Variants in PITPNM3 observed in about 807,000 individuals in gnomAD.
The protein encoded by PITPNM3 is PITPNM family member 3.
A neutral mutation model predicts 102.0 loss-of-function variants in PITPNM3; 26 were observed. That is an observed-to-expected ratio of 0.25 (90% CI 0.19 to 0.35). PITPNM3 has a LOEUF of 0.35. Ranked by LOEUF, PITPNM3 falls within the 10% of genes least tolerant of loss-of-function variation. PITPNM3 has a pLI of 1.00. For missense variants in PITPNM3, 1,083 were observed against 1,346.1 expected (o/e 0.80, Z 3.06); for synonymous variants, 578 against 558.6 (o/e 1.03, Z -0.49).
intron 1 of PITPNM3, among the ~76,000 whole-genome samples, chr17:6,552,756 CTTTT>C (rs1322658814): frequency 4.3e-5 from 6 of 139,874 alleles, no homozygotes; most frequent in Admixed American, 1.5e-4. Context: ...GGCCACCTTT[CTTTT>C]TCTTTTTTTT....
intron 4 of PITPNM3, among the ~76,000 whole-genome samples, chr17:6,487,952 C>A (rs1458669240): frequency 6.6e-6 from 1 of 152,178 alleles, no homozygotes; most frequent in African/African-American, 2.4e-5. Context: ...GGGGACAGAG[C>A]CTTGCTTCCT....
At position 6,503,642 on chromosome 17, in the gene PITPNM3, AGGCT is replaced by A. The variant is rs1038026173; in HGVS notation, c.227-72_227-69del. 66 of 1,548,740 alleles carry A rather than the reference AGGCT, an allele frequency of 4.3e-5. No homozygotes were observed. The African/African-American group carries it at 8.1e-4, about 19-fold the overall frequency. On this transcript the variant is annotated intron_variant, in intron 3 of 19. Coordinates refer to ENST00000262483, the MANE Select transcript of PITPNM3 (RefSeq NM_031220.4). Reference sequence around the variant, plus strand: ...TTGCCAGGCACTGTGTTTCCCAGGGAGGCTGCTTGGAGCTGCCTCTGACCCTCAC... The same window carrying A: ...TTGCCAGGCACTGTGTTTCCCAGGGAGCTTGGAGCTGCCTCTGACCCTCAC...
intron 3 of PITPNM3, among the ~76,000 whole-genome samples, chr17:6,522,389 T>C (rs752984628): frequency 3.3e-5 from 5 of 151,752 alleles, no homozygotes; most frequent in Non-Finnish European, 7.4e-5. Flanking sequence ...ATGACTTAAA[T>C]GGTTAGGGAG....
At chr17:6,524,815 G>A (rs1278487373) in intron 3 of PITPNM3, among the ~76,000 whole-genome samples, 1 of 152,170 alleles carries the variant, frequency 6.6e-6, no homozygotes, top group Non-Finnish European at 1.5e-5. Context: ...ATAGATGGAT[G>A]CCAAAAAGAA....
At position 6,461,489 on chromosome 17, in the gene PITPNM3, C is replaced by T; in HGVS notation, c.2374G>A (p.Val792Met). ...TTGTGCTGGGACAGCCACGACACCA[C>T]CCGCTGCTTCTGCATGTCCGGCCGT... ...TGRPDMQKQRVVSWLSQHNFP... is the reference protein window; with the variant it reads ...TGRPDMQKQRMVSWLSQHNFP... The change falls in exon 18 of 20, where the codon GTG becomes ATG. Residue 792 changes from valine (V) to methionine (M), a missense_variant. Around this residue, in one of 5 missense-constraint regions of PITPNM3, gnomAD observed 410 missense variants for 638.4 expected, o/e 0.64. Transcript: ENST00000262483. 6.2e-7 allele frequency: 1 copy of T among 1,614,224 alleles called. No individual in the cohort carries two copies. Among genetic ancestry groups the T allele is most frequent in the South Asian group, 1.1e-5 (1 of 91,086 alleles).
intron 6 of PITPNM3, chr17:6,481,850 T>TGAGA (rs1491520075): frequency 7.0e-5 from 3 of 42,666 alleles, no homozygotes; most frequent in Non-Finnish European, 1.5e-4. Context: ...CAGAATAGAA[T>TGAGA]GATAGAGAGA....
chr17:6,508,383 G>A (rs1166841206), intron 3 of PITPNM3, among the ~76,000 whole-genome samples: 4 of 152,186 alleles, frequency 2.6e-5, no homozygotes, highest in East Asian at 1.9e-4. Flanking sequence ...GAGCCTCAGC[G>A]AGGTAAAGTC....
chr17:6,503,454 G>A (rs996623983), intron 4 of PITPNM3, 73 bp downstream of exon 4: 4 of 1,516,922 alleles, frequency 2.6e-6, no homozygotes, highest in Non-Finnish European at 3.6e-6. Context: ...GTGGATGAGA[G>A]GGGACCCAGG....
chr17:6,455,834 GATCCTGTCCCCATC>G (rs1655232264), intron 19 of PITPNM3, among the ~76,000 whole-genome samples, 191 bp from the exon 20 acceptor site: 1 of 150,138 alleles, frequency 6.7e-6, no homozygotes, highest in Non-Finnish European at 1.5e-5. Flanking sequence ...CCCTTATCCT[GATCCTGTCCCCATC>G]ATTTCCCGGG....
chr17:6,504,783 G>A (rs1361649789), intron 3 of PITPNM3, among the ~76,000 whole-genome samples: 1 of 152,212 alleles, frequency 6.6e-6, no homozygotes, highest in African/African-American at 2.4e-5. Flanking sequence ...CCTTGGGCAA[G>A]TTACACAACC....
intron 4 of PITPNM3, among the ~76,000 whole-genome samples, chr17:6,491,484 AG>A (rs1283411240): frequency 1.3e-5 from 2 of 152,168 alleles, no homozygotes; most frequent in Non-Finnish European, 2.9e-5. Flanking sequence ...AAGTTCCCTT[AG>A]GAGCCCAATT....
At position 6,483,762 on chromosome 17, in the gene PITPNM3, A is replaced by G; in HGVS notation, c.352-10T>C. 6.2e-7 allele frequency: 1 copy of G among 1,609,768 alleles called. No individual in the cohort carries two copies. On this transcript the variant is annotated splice_polypyrimidine_tract_variant and intron_variant, in intron 5 of 19. Coordinates refer to ENST00000262483, the MANE Select transcript of PITPNM3 (RefSeq NM_031220.4). The stretch of plus-strand genomic sequence containing the variant: ...GCTGCGGGCAGCCTTCCTGAGAGCC[A>G]AGGCGGTTGGAATACAGAGAGAGAG...
chr17:6,473,838 G>T (rs12952309), intron 10 of PITPNM3, among the ~76,000 whole-genome samples: 1 of 151,844 alleles, frequency 6.6e-6, no homozygotes, highest in Non-Finnish European at 1.5e-5. Context: ...TTAGCTGGGC[G>T]TCATGGTGGG....
Position 6,468,436 on chromosome 17 carries a change from C to T in PITPNM3, c.1774-95G>A. On this transcript the variant is annotated intron_variant, in intron 13 of 19. Coordinates refer to ENST00000262483, the MANE Select transcript of PITPNM3 (RefSeq NM_031220.4). The surrounding 1 kb of genome is among the most constrained non-coding windows in gnomAD (Gnocchi z 5.2). ...GCCCACCAGCTTGTGGCCAGCTGGG[C>T]CCTGCCCCTGCAACCCCCCAACCTC... The T allele has an allele frequency of 7.9e-7, 1 of 1,259,686 alleles. No individual in the cohort carries two copies. The highest frequency in any genetic ancestry group is 1.2e-6 in the Non-Finnish European group (1 of 863,748). The allele number at this position is 1,259,686 out of a possible 1,614,324, so 78.0% of individuals were successfully genotyped here. A position where few individuals can be genotyped will look rare whatever the true frequency, so the allele number is the denominator to read the frequency against.
chr17:6,546,949 G>T (rs1055134303), intron 1 of PITPNM3, among the ~76,000 whole-genome samples: 1 of 152,102 alleles, frequency 6.6e-6, no homozygotes, highest in South Asian at 2.1e-4. Flanking sequence ...GGATGTTGCA[G>T]TGAGCTGAGA....
intron 4 of PITPNM3, among the ~76,000 whole-genome samples, chr17:6,488,770 G>A (rs76169508): frequency 0.03 from 4,626 of 152,258 alleles, 144 homozygotes; most frequent in South Asian, 0.13. Context: ...GGGGTCCTAA[G>A]GGGTGGAGAG....
intron 4 of PITPNM3, among the ~76,000 whole-genome samples, chr17:6,501,677 C>G (rs1907187870): frequency 6.6e-6 from 1 of 152,164 alleles, no homozygotes; most frequent in Non-Finnish European, 1.5e-5. Context: ...CCTCCCTGGG[C>G]TCAGGTCTGC....
intron 1 of PITPNM3, among the ~76,000 whole-genome samples, chr17:6,548,873 G>A (rs183634007): frequency 4.6e-5 from 7 of 152,232 alleles, no homozygotes; most frequent in Non-Finnish European, 1.0e-4. Flanking sequence ...AGCCCAACGC[G>A]TTTCTATTTT....
At chr17:6,548,074 T>A (rs776361917) in intron 1 of PITPNM3, among the ~76,000 whole-genome samples, 16 of 152,286 alleles carry the variant, frequency 1.1e-4, no homozygotes, top group Non-Finnish European at 2.2e-4. Context: ...ACCAGCTTTT[T>A]GGGAAGTGCA....
Sources: gnomAD v4.1 joint callset for allele counts (sites outside exome capture counted in the v4.1 genomes callset) on GRCh38, gnomAD v4.1.1 for gene constraint, gnomAD v4.1.1 regional missense constraint, Gnocchi (gnomAD v3.1) non-coding constraint, MANE v1.5 for transcripts, NCBI Gene and HGNC (gene_info 2026-07-23, HGNC 2026-07-21) for gene names.